Variants in METTL25 observed in about 807,000 individuals in gnomAD.
The protein encoded by METTL25 is probable methyltransferase-like protein 25.
A neutral mutation model predicts 71.6 loss-of-function variants in METTL25; 64 were observed. That is an observed-to-expected ratio of 0.89 (90% CI 0.73 to 1.10). METTL25 has a LOEUF of 1.10. Among genes scored for constraint, METTL25 ranks in the 50% least tolerant of loss-of-function variants. METTL25 has a pLI of 0.00. For missense variants in METTL25, 807 were observed against 707.0 expected (o/e 1.14, Z -1.60); for synonymous variants, 287 against 250.3 (o/e 1.15, Z -1.38).
intron 1 of METTL25, 137 bp downstream of exon 1, chr12:82,358,961 G>A (rs1003159371): frequency 2.0e-6 from 2 of 989,670 alleles, no homozygotes; most frequent in African/African-American, 1.6e-5. Flanking sequence ...AAACCGAGGA[G>A]GGGTCGGATT....
At chr12:82,469,698 G>T (rs1892458547) in intron 9 of METTL25, among the ~76,000 whole-genome samples, 1 of 151,814 alleles carries the variant, frequency 6.6e-6, no homozygotes, top group Non-Finnish European at 1.5e-5. Context: ...GCAAGCAGAA[G>T]ATGATATCTA....
At chr12:82,428,877 T>G (rs1788513749) in intron 5 of METTL25, among the ~76,000 whole-genome samples, 1 of 151,870 alleles carries the variant, frequency 6.6e-6, no homozygotes, top group Admixed American at 6.6e-5. Flanking sequence ...CAATAGTGTC[T>G]CAATGTTAAG....
Position 82,461,710 on chromosome 12 carries a change from CA to C in METTL25, c.1572+4899del, listed in dbSNP as rs55899416. On this transcript the variant is annotated intron_variant, in intron 9 of 11. Coordinates refer to ENST00000248306, the MANE Select transcript of METTL25 (RefSeq NM_032230.3). ...AAGGAATTAAACTTTGAAATAAAGG[CA>C]AAAAAAAATCAAGGAATGATGAATC... 5.0e-3 allele frequency among the ~76,000 whole-genome samples: 762 copies of C among 151,298 alleles called. 6 individuals carry two copies. Among genetic ancestry groups the C allele is most frequent in the African/African-American group, 0.017 (719 of 41,288 alleles).
At chr12:82,456,659 G>T (rs544386447) in intron 8 of METTL25, 68 bp from the exon 9 acceptor site, 2 of 794,820 alleles carry the variant, frequency 2.5e-6, no homozygotes, top group South Asian at 1.9e-5. Flanking sequence ...AATATTTCAT[G>T]ATTGAAATTA....
intron 8 of METTL25, among the ~76,000 whole-genome samples, chr12:82,449,891 T>C (rs1891019667): frequency 6.6e-6 from 1 of 152,154 alleles, no homozygotes. Flanking sequence ...CCAATTTCTT[T>C]CCCATTTCCC....
chr12:82,418,415 T>G (rs1888175949), intron 5 of METTL25, among the ~76,000 whole-genome samples: 1 of 152,162 alleles, frequency 6.6e-6, no homozygotes, highest in South Asian at 2.1e-4. Flanking sequence ...TATACTATTC[T>G]GCTGTAGCAA....
At chr12:82,364,638 GA>G (rs1013725634) in intron 1 of METTL25, among the ~76,000 whole-genome samples, 1 of 152,050 alleles carries the variant, frequency 6.6e-6, no homozygotes, top group African/African-American at 2.4e-5. Context: ...TACCTTCTAG[GA>G]CAGCAAAGAT....
intron 6 of METTL25, 118 bp from the exon 7 acceptor site, chr12:82,434,577 C>A: frequency 1.3e-6 from 1 of 789,500 alleles, no homozygotes; most frequent in Non-Finnish European, 2.2e-6. Context: ...CATAAACTTA[C>A]ATATTATCAC....
At chr12:82,384,544 T>C (rs879440277) in intron 1 of METTL25, among the ~76,000 whole-genome samples, 18 of 152,056 alleles carry the variant, frequency 1.2e-4, no homozygotes, top group Admixed American at 6.6e-4. Context: ...AGTTCTAGAC[T>C]ATCTGAGTAA....
At chr12:82,440,912 C>T (rs1352417217) in intron 8 of METTL25, among the ~76,000 whole-genome samples, 1 of 151,950 alleles carries the variant, frequency 6.6e-6, no homozygotes, top group Non-Finnish European at 1.5e-5. Flanking sequence ...GAAGTAAACC[C>T]AGCTTTTATG....
chr12:82,437,485 C>T (rs1890004389), intron 7 of METTL25, among the ~76,000 whole-genome samples: 1 of 151,610 alleles, frequency 6.6e-6, no homozygotes, highest in Non-Finnish European at 1.5e-5. Context: ...GATTGACCCT[C>T]AGCTCACAAC....
intron 1 of METTL25, among the ~76,000 whole-genome samples, chr12:82,372,172 A>G (rs556231684): frequency 2.6e-4 from 40 of 152,312 alleles, no homozygotes; most frequent in Non-Finnish European, 4.7e-4. Context: ...TAGGACATCC[A>G]TATACCTATC....
At chr12:82,444,533 C>T (rs1890604935) in intron 8 of METTL25, among the ~76,000 whole-genome samples, 2 of 152,024 alleles carry the variant, frequency 1.3e-5, no homozygotes, top group African/African-American at 4.8e-5. Flanking sequence ...ATGTGATACG[C>T]CACGCAATTC....
rs200179982 is a variant in METTL25 at position 82,362,616 on chromosome 12, G to C, written c.259+3792G>C. 3.3e-5 allele frequency among the ~76,000 whole-genome samples: 5 copies of C among 152,300 alleles called. No homozygotes were observed. The East Asian group carries it at 9.7e-4, about 29-fold the overall frequency. On this transcript the variant is annotated intron_variant, in intron 1 of 11. Coordinates refer to ENST00000248306, the MANE Select transcript of METTL25 (RefSeq NM_032230.3). Reference sequence around the variant, plus strand: ...ACATAAAACTTGTAGGCTGTACTCAGTATTTGGCTTTTATTCTGAGTGAAA... The same window carrying C: ...ACATAAAACTTGTAGGCTGTACTCACTATTTGGCTTTTATTCTGAGTGAAA...
chr12:82,426,443 T>C (rs959324734), intron 5 of METTL25, among the ~76,000 whole-genome samples: 2 of 151,906 alleles, frequency 1.3e-5, no homozygotes, highest in African/African-American at 4.8e-5. Flanking sequence ...AGTTCCTAGG[T>C]GTTTTGGATA....
intron 3 of METTL25, among the ~76,000 whole-genome samples, chr12:82,391,438 T>C (rs1885571977): frequency 6.6e-6 from 1 of 152,066 alleles, no homozygotes; most frequent in South Asian, 2.1e-4. Context: ...AATTCAGTCT[T>C]AATCACTTTC....
At chr12:82,471,280 G>C (rs1450020924) in intron 9 of METTL25, among the ~76,000 whole-genome samples, 1 of 152,204 alleles carries the variant, frequency 6.6e-6, no homozygotes, top group Non-Finnish European at 1.5e-5. Flanking sequence ...ATTCCTGTGT[G>C]GTCAGGGCCC....
Position 82,358,761 on chromosome 12 carries a change from G to C in METTL25, c.196G>C (p.Ala66Pro), listed in dbSNP as rs769948683. Residue 66 changes from alanine (A) to proline (P), a missense_variant, in exon 1 of 12, where the codon GCG becomes CCG. Ala to Pro is a conservative substitution (Grantham distance 27). Coordinates refer to ENST00000248306, the MANE Select transcript of METTL25 (RefSeq NM_032230.3). ...AGTGCTGGCTGCGCTGAGGAAGTCA[G>C]CGTCGGAGACGGAGGCCCTGCCCTC... ...ETVLAALRKS[A>P]SETEALPSET... 1.2e-6 allele frequency: 2 copies of C among 1,614,016 alleles called. No individual in the cohort carries two copies. Among genetic ancestry groups the C allele is most frequent in the Admixed American group, 1.7e-5 (1 of 60,032 alleles).
At position 82,387,035 on chromosome 12, in the gene METTL25, G is replaced by A. The variant is rs144583456; in HGVS notation, c.424+68G>A. The A allele has an allele frequency of 1.2e-3, 1,493 of 1,262,780 alleles. 32 individuals are homozygous for A. The East Asian group carries it at 0.029, about 25-fold the overall frequency. 78.2% of individuals were successfully genotyped at this position (1,262,780 alleles called of 1,614,324 possible). On this transcript the variant is annotated intron_variant, in intron 2 of 11. Coordinates refer to ENST00000248306, the MANE Select transcript of METTL25 (RefSeq NM_032230.3). ...TAGAAGCAATACTTTGTTCATATATGTGTATCTTTCCAAAATATTATTAAT... is the reference window on the plus strand; with the variant it reads ...TAGAAGCAATACTTTGTTCATATATATGTATCTTTCCAAAATATTATTAAT...
Sources: allele counts gnomAD v4.1 joint callset (sites outside exome capture counted in the v4.1 genomes callset), GRCh38; gene constraint gnomAD v4.1.1; transcripts MANE v1.5; gene names NCBI Gene and HGNC (gene_info 2026-07-23, HGNC 2026-07-21).